The following ANKRD36 variants were observed in gnomAD, a reference collection of about 807,000 sequenced individuals.
ANKRD36 encodes the protein ankyrin repeat domain 36, also known as ankyrin repeat domain-containing protein 36A.
In ANKRD36, 179 loss-of-function variants were observed where a neutral mutation model predicts 278.1. The observed-to-expected ratio is 0.64, with a 90% CI of 0.57 to 0.73. ANKRD36 has a LOEUF of 0.73. ANKRD36 is among the 30% of genes least tolerant of loss of function. The pLI is 0.00. For synonymous variants in ANKRD36, 320 were observed against 641.1 expected, an observed-to-expected ratio of 0.50 and a Z score of 7.57; for missense variants, 1,159 against 1,956.7, an observed-to-expected ratio of 0.59 and a Z score of 7.69.
chr2:97,199,730 G>C (rs1418756653), intron 44 of ANKRD36, among the ~76,000 whole-genome samples: 4 of 151,888 alleles, frequency 2.6e-5, no homozygotes, highest in East Asian at 3.9e-4. Flanking sequence ...AAGAAACTCA[G>C]GCAAATTATT....
At chr2:97,220,789 T>TTTTTTTTTTTTTTTTA (rs2067376044) in intron 66 of ANKRD36, among the ~76,000 whole-genome samples, 1 of 127,156 alleles carries the variant, frequency 7.9e-6, no homozygotes, top group Non-Finnish European at 1.6e-5. Flanking sequence ...TTTTTTTTTT[T>TTTTTTTTTTTTTTTTA]ATTATACTCT....
intron 66 of ANKRD36, among the ~76,000 whole-genome samples, chr2:97,219,866 G>A (rs1298232647): frequency 2.8e-5 from 4 of 144,774 alleles, no homozygotes; most frequent in Non-Finnish European, 4.4e-5. Flanking sequence ...ATAGTTTTTA[G>A]CGAATTAAAG....
chr2:97,205,328 G>C lies in ANKRD36; in HGVS notation c.3062-612G>C, dbSNP rs530781991. 2.6e-5 allele frequency among the ~76,000 whole-genome samples: 4 copies of C among 151,676 alleles called. No individual in the cohort carries two copies. The East Asian group carries it at 7.8e-4, about 30-fold the overall frequency. Reference sequence around the variant, plus strand: ...TGGAAGGCTATACTAGTGGATACAAGAAAGTTAAGCAAATTATTACACCAC... The same window carrying C: ...TGGAAGGCTATACTAGTGGATACAACAAAGTTAAGCAAATTATTACACCAC... On this transcript the variant is annotated intron_variant, in intron 50 of 75. Transcript: ENST00000420699.
intron 66 of ANKRD36, among the ~76,000 whole-genome samples, chr2:97,222,211 G>A (rs1317896134): frequency 2.0e-5 from 3 of 151,886 alleles, no homozygotes; most frequent in East Asian, 3.9e-4. Context: ...GTCAGGTAGT[G>A]TGATGCCTCC....
intron 6 of ANKRD36, among the ~76,000 whole-genome samples, chr2:97,129,115 C>T (rs1448978256): frequency 6.6e-6 from 1 of 152,100 alleles, no homozygotes; most frequent in African/African-American, 2.4e-5. Flanking sequence ...TATTTCTCCA[C>T]ATCCTCTCCA....
At chr2:97,231,178 T>C (rs1299316819) in intron 67 of ANKRD36, among the ~76,000 whole-genome samples, 1 of 152,124 alleles carries the variant, frequency 6.6e-6, no homozygotes, top group Non-Finnish European at 1.5e-5. Flanking sequence ...AAAGCTATCA[T>C]ACAGGGACAT....
chr2:97,224,553 C>T (rs2068780299), intron 66 of ANKRD36, among the ~76,000 whole-genome samples: 1 of 151,908 alleles, frequency 6.6e-6, no homozygotes, highest in Non-Finnish European at 1.5e-5. Context: ...GGGCTCACGC[C>T]ATTCTCCTGC....
intron 52 of ANKRD36, among the ~76,000 whole-genome samples, chr2:97,207,333 C>G (rs1427982669): frequency 6.6e-6 from 1 of 151,460 alleles, no homozygotes; most frequent in Admixed American, 6.6e-5. Context: ...GTACGTTCAA[C>G]TGAATTGTCA....
At chr2:97,211,857 G>A in intron 58 of ANKRD36, 116 bp downstream of exon 58, 1 of 1,290,906 alleles carries the variant, frequency 7.7e-7, no homozygotes. Context: ...CAGTATTCCT[G>A]AGATTATTCA....
At chr2:97,211,795 C>T in intron 58 of ANKRD36, 54 bp downstream of exon 58, 1 of 1,514,396 alleles carries the variant, frequency 6.6e-7, no homozygotes. Context: ...AAGAGAACTT[C>T]TCTTCACCAA....
In ANKRD36 at chr2:97,222,543, C is replaced by T. The variant is rs118172264; in HGVS notation, c.3878-2263C>T. Among the ~76,000 whole-genome samples the T allele has an allele frequency of 6.8e-3, 1,032 of 152,190 alleles. 91 individuals carry two copies. In the East Asian group the frequency reaches 0.12, roughly 17 times the overall value. ...TTTTAACTGAGGTGAGACGATACCTCATTGTAGCTTTGATTTGCATTTCTG... is the reference window on the plus strand; with the variant it reads ...TTTTAACTGAGGTGAGACGATACCTTATTGTAGCTTTGATTTGCATTTCTG... On this transcript the variant is annotated intron_variant, in intron 66 of 75. Transcript: ENST00000420699.
intron 6 of ANKRD36, among the ~76,000 whole-genome samples, chr2:97,137,745 T>G (rs111633081): frequency 0.029 from 4,341 of 152,170 alleles, 260 homozygotes; most frequent in African/African-American, 0.099. Context: ...CATTCCTATT[T>G]CTCCACATCT....
intron 54 of ANKRD36, among the ~76,000 whole-genome samples, chr2:97,209,331 A>G (rs530502788): frequency 2.4e-3 from 346 of 146,518 alleles, no homozygotes; most frequent in African/African-American, 9.0e-3. Flanking sequence ...ATCATGTAGC[A>G]CCTGTTTTGA....
rs1377982168 is a variant in ANKRD36 at position 97,200,233 on chromosome 2, T to C, written c.2756-101T>C. ...TAGAAGCCATCAAAGCCTCCACTAA[T>C]ACAAGCAGGAGGACAGAGGTTGATG... On this transcript the variant is annotated intron_variant, in intron 44 of 75. Transcript: ENST00000420699. 3.1e-6 allele frequency: 5 copies of C among 1,590,834 alleles called. No individual in the cohort carries two copies. The South Asian group carries it at 5.7e-5, about 18-fold the overall frequency.
intron 67 of ANKRD36, among the ~76,000 whole-genome samples, chr2:97,233,075 G>A (rs1178342681): frequency 1.3e-5 from 2 of 151,694 alleles, no homozygotes; most frequent in Non-Finnish European, 2.9e-5. Context: ...TACAGAATGT[G>A]TTCCAGAAGC....
intron 58 of ANKRD36, among the ~76,000 whole-genome samples, chr2:97,212,078 T>C (rs1160911223): frequency 1.3e-5 from 2 of 151,840 alleles, no homozygotes; most frequent in Non-Finnish European, 2.9e-5. Flanking sequence ...AAGTAATAGA[T>C]ATTAGAGGCG....
Position 97,113,779 on chromosome 2 carries a change from G to A in ANKRD36, c.40G>A (p.Glu14Lys), listed in dbSNP as rs1559176024. ...GKRERWPTLM[E>K]RLCSDGFAFP... Reference sequence around the variant, plus strand: ...GCGGGAGAGGTGGCCCACCCTCATGGAGCGCTTGTGCTCGGATGGCTTCGC... The same window carrying A: ...GCGGGAGAGGTGGCCCACCCTCATGAAGCGCTTGTGCTCGGATGGCTTCGC... Residue 14 changes from glutamate (E) to lysine (K), a missense_variant, in exon 1 of 76, where the codon GAG becomes AAG. Coordinates refer to ENST00000420699, the MANE Select transcript of ANKRD36 (RefSeq NM_001354587.1). The A allele has an allele frequency of 1.6e-5, 26 of 1,612,856 alleles. No homozygotes were observed. The highest frequency in any genetic ancestry group is 2.0e-5 in the Non-Finnish European group (24 of 1,180,002).
chr2:97,147,639 G>A (rs2044615647), intron 11 of ANKRD36, among the ~76,000 whole-genome samples: 1 of 151,888 alleles, frequency 6.6e-6, no homozygotes, highest in African/African-American at 2.4e-5. Context: ...TTCTGTCATT[G>A]AGTGATTTTA....
At chr2:97,169,965 A>C (rs372877349) in intron 22 of ANKRD36, among the ~76,000 whole-genome samples, 1 of 132,348 alleles carries the variant, frequency 7.6e-6, no homozygotes, top group Admixed American at 7.7e-5. Context: ...CCATATAGCC[A>C]AGACAATTGT....
Sources: allele counts gnomAD v4.1 joint callset (sites outside exome capture counted in the v4.1 genomes callset), GRCh38; gene constraint gnomAD v4.1.1; transcripts MANE v1.5; gene names NCBI Gene and HGNC (gene_info 2026-07-23, HGNC 2026-07-21).